The following SYNE1 variants were observed in gnomAD, a reference collection of about 807,000 sequenced individuals.
The protein encoded by SYNE1 is spectrin repeat containing nuclear envelope protein 1.
SYNE1 carries 616 observed loss-of-function variants against 1,111.0 expected under a neutral mutation model. That is an observed-to-expected ratio of 0.55 (90% CI 0.52 to 0.59). SYNE1 has a LOEUF of 0.59. SYNE1 is among the 20% of genes least tolerant of loss of function. The probability of loss-of-function intolerance (pLI) is 0.00; values close to 1 mark genes in which losing one functional copy is unlikely to be tolerated. For missense variants in SYNE1, 10,006 were observed against 10,417.0 expected (o/e 0.96, Z 1.72); for synonymous variants, 3,855 against 3,825.8 (o/e 1.01, Z -0.28).
At chr6:152,132,326 T>C in intron 143 of SYNE1, 112 bp from the exon 144 acceptor site, 1 of 935,780 alleles carries the variant, frequency 1.1e-6, no homozygotes, top group Non-Finnish European at 1.7e-6. Context: ...GTCTCCACCA[T>C]AAAAATCAAA....
In SYNE1 at chr6:152,356,584, A is replaced by G. The variant is rs373289600; in HGVS notation, c.10609-1608T>C. 5.3e-5 allele frequency among the ~76,000 whole-genome samples: 8 copies of G among 150,894 alleles called. No individual in the cohort carries two copies. In the East Asian group the frequency reaches 1.5e-3, roughly 29 times the overall value. On this transcript the variant is annotated intron_variant, in intron 66 of 145. Transcript: ENST00000367255. ...ACTATATATATGTTCTATGACCCAA[A>G]CTAGGCCTTCAGGTTATACAAAATA... is the stretch of plus-strand genomic sequence containing the variant.
chr6:152,616,566 G>A (rs1744389), intron 3 of SYNE1, among the ~76,000 whole-genome samples: 124,296 of 151,930 alleles, frequency 0.82, 51,285 homozygotes, highest in African/African-American at 0.92. Flanking sequence ...ACAGAGTGAG[G>A]CTCTGTCTCA....
intron 52 of SYNE1, 102 bp from the exon 53 acceptor site, chr6:152,390,554 C>T (rs1349256928): frequency 8.2e-7 from 1 of 1,213,466 alleles, no homozygotes; most frequent in African/African-American, 1.5e-5. Context: ...GAATACTTTA[C>T]TTACCTTAAA....
chr6:152,604,180 ATG>A (rs1462187722), intron 3 of SYNE1, among the ~76,000 whole-genome samples: 32 of 128,118 alleles, frequency 2.5e-4, no homozygotes, highest in African/African-American at 7.8e-4. Context: ...GTGTGTGTGT[ATG>A]TGTGTGTGTG....
chr6:152,189,549 G>T, intron 127 of SYNE1, 142 bp from the exon 128 acceptor site: 1 of 750,126 alleles, frequency 1.3e-6, no homozygotes, highest in Non-Finnish European at 2.2e-6. Context: ...GGCACATCAT[G>T]GCAATATTAC....
intron 55 of SYNE1, among the ~76,000 whole-genome samples, chr6:152,383,377 T>C (rs1004636735): frequency 1.3e-5 from 2 of 152,248 alleles, no homozygotes; most frequent in African/African-American, 4.8e-5. Context: ...CATTTACTCC[T>C]AAATCCATGT....
At chr6:152,264,477 T>G (rs114009315) in intron 100 of SYNE1, among the ~76,000 whole-genome samples, 1 of 152,054 alleles carries the variant, frequency 6.6e-6, no homozygotes, top group African/African-American at 2.4e-5. Context: ...TGTCTTTAGA[T>G]AAGTCTCTAG....
At chr6:152,162,384 C>T (rs755266849) in intron 131 of SYNE1, among the ~76,000 whole-genome samples, 4 of 152,122 alleles carry the variant, frequency 2.6e-5, no homozygotes, top group African/African-American at 9.7e-5. Flanking sequence ...TAACCTTTTT[C>T]CCTCTCTACC....
intron 66 of SYNE1, among the ~76,000 whole-genome samples, chr6:152,357,133 A>C (rs1166875102): frequency 6.6e-6 from 1 of 152,182 alleles, no homozygotes; most frequent in East Asian, 1.9e-4. Flanking sequence ...TACTTACTTC[A>C]TGAGTAGACC....
At chr6:152,305,180 A>T (rs1424843214) in intron 91 of SYNE1, among the ~76,000 whole-genome samples, 3 of 152,244 alleles carry the variant, frequency 2.0e-5, no homozygotes, top group African/African-American at 7.2e-5. Flanking sequence ...ATCAGGCGGA[A>T]AGAAAAGAGG....
At chr6:152,523,379 T>C (rs936639782) in intron 5 of SYNE1, among the ~76,000 whole-genome samples, 2 of 152,182 alleles carry the variant, frequency 1.3e-5, no homozygotes, top group Non-Finnish European at 2.9e-5. Context: ...TTTGGCTTTA[T>C]TTCTGAGTTC....
At chr6:152,544,544 A>T (rs539518992) in intron 3 of SYNE1, among the ~76,000 whole-genome samples, 3 of 127,502 alleles carry the variant, frequency 2.4e-5, no homozygotes, top group South Asian at 2.5e-4. Context: ...GAAATGAGTT[A>T]AAAAAAAAAA....
In SYNE1 at chr6:152,362,311, T is replaced by A; in HGVS notation, c.10158A>T (p.Gly3386=). The part of the protein sequence containing the change: ...AGIRCKSQLE[G]ALSKWTSYQD... Reference sequence around the variant, plus strand: ...GATAACTTGTCCACTTGGAGAGAGCTCCTTCGAGTTGGCTGAAAGGGATTT... The same window carrying A: ...GATAACTTGTCCACTTGGAGAGAGCACCTTCGAGTTGGCTGAAAGGGATTT... The change falls in exon 64 of 146, where the codon GGA becomes GGT. Residue 3386 remains glycine, a synonymous_variant. Coordinates refer to ENST00000367255, the MANE Select transcript of SYNE1 (RefSeq NM_182961.4). 6.2e-7 allele frequency: 1 copy of A among 1,614,236 alleles called. No individual in the cohort carries two copies. The highest frequency in any genetic ancestry group is 8.5e-7 in the Non-Finnish European group (1 of 1,180,042).
intron 101 of SYNE1, among the ~76,000 whole-genome samples, chr6:152,261,780 T>C (rs1174416256): frequency 6.6e-6 from 1 of 152,128 alleles, no homozygotes; most frequent in African/African-American, 2.4e-5. Flanking sequence ...TTTAGGCTAA[T>C]AAGGAATCAG....
In SYNE1 at chr6:152,409,138, T is replaced by C. The variant is rs75989452; in HGVS notation, c.6470A>G (p.Lys2157Arg). 7,463 of 1,614,154 alleles carry C rather than the reference T, an allele frequency of 4.6e-3. 220 individuals carry two copies. In the African/African-American group the frequency reaches 0.079, roughly 17 times the overall value. Residue 2157 changes from lysine to arginine, a missense_variant, in exon 44 of 146, where the codon AAG becomes AGG. Lys to Arg is a conservative substitution (Grantham distance 26). Coordinates refer to ENST00000367255, the MANE Select transcript of SYNE1 (RefSeq NM_182961.4). ...GCTGAAATCACTACTGTGAATTTTC[T>C]TCAGCTCAGATAACAAGTGTTTTCC... is the stretch of plus-strand genomic sequence containing the variant. ...SKGKHLLSEL[K>R]KIHSSDFSLV...
At chr6:152,433,282 G>A (rs568113476) in intron 34 of SYNE1, among the ~76,000 whole-genome samples, 64 of 152,270 alleles carry the variant, frequency 4.2e-4, no homozygotes, top group Non-Finnish European at 7.6e-4. Context: ...TAAGGAATCA[G>A]AGGACCTCTG....
intron 102 of SYNE1, 57 bp from the exon 103 acceptor site, chr6:152,255,803 A>C: frequency 6.3e-7 from 1 of 1,598,770 alleles, no homozygotes; most frequent in Non-Finnish European, 8.6e-7. Flanking sequence ...AAATCCAGGA[A>C]AAATATCAGG....
chr6:152,130,865 G>T, intron 144 of SYNE1, 87 bp from the exon 145 acceptor site: 1 of 1,339,798 alleles, frequency 7.5e-7, no homozygotes. Context: ...TAAACTAAAA[G>T]TGCAGCAAAG....
In SYNE1 at chr6:152,444,422, G is replaced by C. The variant is rs765328242; in HGVS notation, c.3826C>G (p.Leu1276Val). The change falls in exon 30 of 146, where the codon CTT becomes GTT. Residue 1276 changes from leucine (L) to valine (V), a missense_variant. Physicochemically the swap from Leu to Val is conservative, Grantham distance 32. Coordinates refer to ENST00000367255, the MANE Select transcript of SYNE1 (RefSeq NM_182961.4). ...ENLFEAQQLLLHHQQKTKRIS... is the reference protein window; with the variant it reads ...ENLFEAQQLLVHHQQKTKRIS... ...AGAGGCATTTTTACCTGGTGATGAA[G>C]AAGTAACTGCTGTGCTTCAAACAGA... 48 of 1,613,800 alleles carry C rather than the reference G, an allele frequency of 3.0e-5. No individual in the cohort carries two copies. The highest frequency in any genetic ancestry group is 4.1e-5 in the Non-Finnish European group (48 of 1,179,920).
Sources: gnomAD v4.1 joint callset for allele counts (sites outside exome capture counted in the v4.1 genomes callset) on GRCh38, gnomAD v4.1.1 for gene constraint, MANE v1.5 for transcripts, NCBI Gene and HGNC (gene_info 2026-07-23, HGNC 2026-07-21) for gene names.